VPS37A: variants seen among roughly 807,000 people sequenced by gnomAD.
The protein encoded by VPS37A is VPS37A subunit of ESCRT-I.
A neutral mutation model predicts 49.8 loss-of-function variants in VPS37A; 30 were observed. That is an observed-to-expected ratio of 0.60 (90% CI 0.45 to 0.82). The LOEUF is 0.82. Ranked by LOEUF, VPS37A falls within the 40% of genes least tolerant of loss-of-function variation. The pLI is 0.00. For synonymous variants in VPS37A, 195 were observed against 160.6 expected (o/e 1.21, Z -1.62); for missense variants, 593 against 464.4 (o/e 1.28, Z -2.55).
chr8:17,307,983 T>C, the VPS37A span, among the ~76,000 whole-genome samples: 4 of 152,010 alleles, frequency 2.6e-5, no homozygotes, highest in Non-Finnish European at 5.9e-5. Flanking sequence ...CACATGTATA[T>C]ATATGTAACA....
At chr8:17,311,557 G>A in the VPS37A span, 2 of 1,614,042 alleles carry the variant, frequency 1.2e-6, no homozygotes, top group South Asian at 2.2e-5. Context: ...CAGCAGGCTT[G>A]CCACCGAGCA....
At position 17,274,937 on chromosome 8, in the gene VPS37A, C is replaced by T. The variant is rs777846581; in HGVS notation, c.621C>T (p.Pro207=). Residue 207 remains proline (P), a synonymous_variant, in exon 5 of 12, where the codon CCC becomes CCT. Transcript: ENST00000324849. The stretch of plus-strand genomic sequence containing the variant: ...TTTCAAATCTGCCATTACCCATTCC[C>T]ACAGTGGATGCTTCAATACCGGTTG... ...GVLSNLPLPI[P]TVDASIPTSQ... is the part of the protein sequence containing the mutation. 2 of 1,614,130 alleles carry T rather than the reference C, an allele frequency of 1.2e-6. No homozygotes were observed. The highest frequency in any genetic ancestry group is 2.2e-5 in the East Asian group (1 of 44,874).
chr8:17,272,199 GA>G (rs1285580168), intron 4 of VPS37A: 1 of 400,798 alleles, frequency 2.5e-6, no homozygotes, highest in Non-Finnish European at 4.9e-6. Flanking sequence ...AGGCCCATTA[GA>G]CCTTCATAAT....
At chr8:17,310,142 T>G in the VPS37A span, among the ~76,000 whole-genome samples, 1 of 151,850 alleles carries the variant, frequency 6.6e-6, no homozygotes, top group Non-Finnish European at 1.5e-5. Flanking sequence ...GGACCACAGG[T>G]GGGCTCCACC....
At chr8:17,274,692 C>T (rs772079492) in intron 4 of VPS37A, 41 bp from the exon 5 acceptor site, 1 of 1,504,298 alleles carries the variant, frequency 6.6e-7, no homozygotes, top group Non-Finnish European at 9.2e-7. Flanking sequence ...CATGTTTTAT[C>T]CATAAAATCT....
intron 11 of VPS37A, among the ~76,000 whole-genome samples, chr8:17,288,774 G>C (rs36166918): frequency 0.12 from 18,171 of 152,190 alleles, 1,480 homozygotes; most frequent in Non-Finnish European, 0.18. Context: ...TCTAGTTCTA[G>C]ATCCTTGAGG....
chr8:17,291,927 G>T (rs1284969523), intron 11 of VPS37A, among the ~76,000 whole-genome samples: 1 of 152,176 alleles, frequency 6.6e-6, no homozygotes, highest in Non-Finnish European at 1.5e-5. Context: ...GCTATGTGGT[G>T]CTGAGAAGAA....
At chr8:17,264,008 C>G (rs1234617238) in intron 1 of VPS37A, among the ~76,000 whole-genome samples, 1 of 152,182 alleles carries the variant, frequency 6.6e-6, no homozygotes, top group Admixed American at 6.5e-5. Context: ...TTCTACATGC[C>G]TATTTAATAA....
chr8:17,274,679 T>G, intron 4 of VPS37A, 54 bp from the exon 5 acceptor site: 5 of 1,427,838 alleles, frequency 3.5e-6, no homozygotes, highest in Non-Finnish European at 4.9e-6. Context: ...AGAAACAATT[T>G]GACATGTTTT....
the VPS37A span, among the ~76,000 whole-genome samples, chr8:17,329,685 T>C: frequency 1.3e-5 from 2 of 152,240 alleles, no homozygotes; most frequent in Non-Finnish European, 2.9e-5. Flanking sequence ...TGAACAGTCT[T>C]CAGACTAAAG....
the VPS37A span, among the ~76,000 whole-genome samples, chr8:17,320,725 C>A: frequency 6.6e-6 from 1 of 152,152 alleles, no homozygotes; most frequent in African/African-American, 2.4e-5. Context: ...GTGACAGTGC[C>A]CAGCAATACC....
At chr8:17,270,425 A>G (rs1183053820) in intron 4 of VPS37A, among the ~76,000 whole-genome samples, 1 of 152,132 alleles carries the variant, frequency 6.6e-6, no homozygotes, top group East Asian at 1.9e-4. Flanking sequence ...GTGCTGATAC[A>G]TCTATATGTG....
chr8:17,302,804 C>T (rs1817215063), downstream of VPS37A, among the ~76,000 whole-genome samples: 1 of 149,640 alleles, frequency 6.7e-6, no homozygotes, highest in Non-Finnish European at 1.5e-5. Flanking sequence ...CCTCCACCTC[C>T]CGGGTTCAAG....
At chr8:17,299,495 A>G (rs143771491), downstream of VPS37A, 263 of 184,882 alleles carry the variant, frequency 1.4e-3, 2 homozygotes, top group Middle Eastern at 2.6e-3. Flanking sequence ...AAGAATCATG[A>G]TGATCACAGA....
At chr8:17,275,584 A>T (rs1336014806) in intron 5 of VPS37A, among the ~76,000 whole-genome samples, 1 of 152,208 alleles carries the variant, frequency 6.6e-6, no homozygotes, top group Non-Finnish European at 1.5e-5. Flanking sequence ...GGGTCTGCTA[A>T]CATACGCTGA....
chr8:17,298,025 G>C (rs1453594148), downstream of VPS37A: 5 of 151,986 alleles, frequency 3.3e-5, no homozygotes, highest in African/African-American at 1.2e-4. Context: ...GTTTGGCATA[G>C]ATACTTTGTC....
At chr8:17,289,339 T>A (rs1259783690) in intron 11 of VPS37A, among the ~76,000 whole-genome samples, 1 of 152,198 alleles carries the variant, frequency 6.6e-6, no homozygotes, top group Non-Finnish European at 1.5e-5. Flanking sequence ...TGGTTTTAGG[T>A]CTTAACGTTT....
chr8:17,274,315 A>G (rs1228759353), intron 4 of VPS37A, among the ~76,000 whole-genome samples: 2 of 152,254 alleles, frequency 1.3e-5, no homozygotes, highest in Non-Finnish European at 2.9e-5. Context: ...TTTCAGTCAG[A>G]TTTTGACAAA....
downstream of VPS37A, chr8:17,301,769 T>C (rs1376889827): frequency 8.7e-6 from 2 of 228,994 alleles, no homozygotes; most frequent in Non-Finnish European, 1.7e-5. Flanking sequence ...TAGATTAATA[T>C]CATAGTTAAC....
Sources: gnomAD v4.1 joint callset for allele counts (sites outside exome capture counted in the v4.1 genomes callset) on GRCh38, gnomAD v4.1.1 for gene constraint, MANE v1.5 for transcripts, NCBI Gene and HGNC (gene_info 2026-07-23, HGNC 2026-07-21) for gene names.